Variants in TNIP1 observed in about 807,000 individuals in gnomAD.
TNIP1 encodes the protein TNFAIP3 interacting protein 1.
Under a neutral mutation model 86.6 loss-of-function variants are expected in TNIP1, and 22 were observed. That is an observed-to-expected ratio of 0.25 (90% CI 0.18 to 0.36). The LOEUF (loss-of-function observed/expected upper bound fraction) is 0.36, where lower values mean the gene tolerates loss of function less well. TNIP1 is among the 10% of genes least tolerant of loss of function. The pLI is 1.00. For missense variants in TNIP1, 709 were observed against 820.6 expected, an observed-to-expected ratio of 0.86 and a Z score of 1.66; for synonymous variants, 294 against 313.0, an observed-to-expected ratio of 0.94 and a Z score of 0.64.
At chr5:151,074,332 G>A (rs777804067) in intron 1 of TNIP1, among the ~76,000 whole-genome samples, 15 of 152,204 alleles carry the variant, frequency 9.9e-5, no homozygotes, top group Non-Finnish European at 2.1e-4. Context: ...AGGATGGCCT[G>A]AAACCAGAGT....
Position 151,063,637 on chromosome 5 carries a change from A to T in TNIP1, c.247T>A (p.Phe83Ile). The T allele has an allele frequency of 6.2e-7, 1 of 1,614,096 alleles. No homozygotes were observed. Among genetic ancestry groups the T allele is most frequent in the Non-Finnish European group, 8.5e-7 (1 of 1,179,988 alleles). ...CCTGTGAGCTCAGCCAGGGGGTCGA[A>T]GGAGCCCAAGGAGGGAGAAGGTGGT... The part of the protein sequence containing the change: ...LPPPSPSLGS[F>I]DPLAELTGKD... Residue 83 changes from phenylalanine to isoleucine, a missense_variant, in exon 3 of 18, where the codon TTC (phenylalanine) becomes ATC (isoleucine). Coordinates refer to ENST00000521591, the MANE Select transcript of TNIP1 (RefSeq NM_006058.5).
rs888695021 is a variant in TNIP1, at chr5:151,033,639, G to A, written c.1748C>T (p.Pro583Leu). Reference sequence around the variant, plus strand: ...GAAGAGGCGCGAGTTGGGGAGTGGGGGCGGGTGCTCCATGGCCATGGGGGG... The same window carrying A: ...GAAGAGGCGCGAGTTGGGGAGTGGGAGCGGGTGCTCCATGGCCATGGGGGG... ...PPPPMAMEHPPPLPNSRLFHL... is the reference protein window; with the variant it reads ...PPPPMAMEHPLPLPNSRLFHL... Residue 583 changes from proline to leucine, a missense_variant, in exon 16 of 18, where the codon CCC becomes CTC. By Grantham distance (98) the Pro-to-Leu change is moderately conservative. Transcript: ENST00000521591. The A allele has an allele frequency of 5.8e-6, 8 of 1,373,522 alleles. No individual in the cohort carries two copies. The highest frequency in any genetic ancestry group is 7.6e-6 in the Non-Finnish European group (8 of 1,051,964). 85.1% of individuals were successfully genotyped at this position (1,373,522 alleles called of 1,614,324 possible).
At chr5:151,037,016 A>C in intron 12 of TNIP1, 95 bp from the exon 13 acceptor site, 4 of 1,427,610 alleles carry the variant, frequency 2.8e-6, no homozygotes, top group Non-Finnish European at 2.8e-6. Flanking sequence ...CCTAATAATA[A>C]TCATACTAAT....
At chr5:151,074,279 G>T (rs1357562522) in intron 1 of TNIP1, among the ~76,000 whole-genome samples, 1 of 152,130 alleles carries the variant, frequency 6.6e-6, no homozygotes, top group Non-Finnish European at 1.5e-5. Context: ...TGAGTGCAGT[G>T]GTGCATGCCT....
rs72558380 is a variant in TNIP1 at position 151,030,153 on chromosome 5, G to T, written c.*560C>A. On this transcript the variant is annotated 3_prime_UTR_variant, in exon 18 of 18. Coordinates refer to ENST00000521591, the MANE Select transcript of TNIP1 (RefSeq NM_006058.5). Reference sequence around the variant, plus strand: ...TCCCATCTGTGATGGCTTCAGCAAGGCTACTGTGAGTGGTGGTGGAGAGGG... The same window carrying T: ...TCCCATCTGTGATGGCTTCAGCAAGTCTACTGTGAGTGGTGGTGGAGAGGG... 12 of 456,896 alleles carry T rather than the reference G, an allele frequency of 2.6e-5. No individual in the cohort carries two copies. The highest frequency in any genetic ancestry group is 2.2e-4 in the African/African-American group (11 of 50,216). The allele number at this position is 456,896 out of a possible 1,614,324, so 28.3% of individuals were successfully genotyped here. A position where few individuals can be genotyped will look rare whatever the true frequency, so the allele number is the denominator to read the frequency against.
chr5:151,029,999 G>A lies in TNIP1; in HGVS notation c.*714C>T, dbSNP rs1756705759. ...ATGATTCGTGCAAATAGCTATCCAG[G>A]GATGGACAGCCACCCTAATCTGGGC... is the stretch of plus-strand genomic sequence containing the variant. On this transcript the variant is annotated 3_prime_UTR_variant, in exon 18 of 18. Coordinates refer to ENST00000521591, the MANE Select transcript of TNIP1 (RefSeq NM_006058.5). 2.2e-6 allele frequency: 1 copy of A among 451,602 alleles called. No homozygotes were observed. Among genetic ancestry groups the A allele is most frequent in the Non-Finnish European group, 4.5e-6 (1 of 222,860 alleles). The allele number at this position is 451,602 out of a possible 1,614,324, so 28.0% of individuals were successfully genotyped here.
intron 4 of TNIP1, among the ~76,000 whole-genome samples, chr5:151,060,789 A>G (rs544713228): frequency 2.4e-4 from 37 of 152,378 alleles, no homozygotes; most frequent in African/African-American, 8.4e-4. Flanking sequence ...TGAGGAAACT[A>G]CAGTATACAG....
chr5:151,064,812 G>C (rs186614528), intron 2 of TNIP1, 148 bp downstream of exon 2: 1 of 1,120,090 alleles, frequency 8.9e-7, no homozygotes, highest in African/African-American at 1.5e-5. Context: ...AGACAGCTGT[G>C]AGGCAGGAGC....
At chr5:151,056,264 C>T (rs1026921621) in intron 6 of TNIP1, among the ~76,000 whole-genome samples, 7 of 152,152 alleles carry the variant, frequency 4.6e-5, no homozygotes, top group Non-Finnish European at 8.8e-5. Flanking sequence ...AAAAGGAATT[C>T]AATAGGGGAG....
chr5:151,032,790 A>T (rs1180137299), intron 16 of TNIP1: 3 of 214,840 alleles, frequency 1.4e-5, no homozygotes, highest in East Asian at 1.7e-4. Context: ...GACTGGGGAA[A>T]ATGGGACAAG....
chr5:151,054,633 C>T (rs991475192), intron 6 of TNIP1, among the ~76,000 whole-genome samples: 3 of 152,100 alleles, frequency 2.0e-5, no homozygotes, highest in Admixed American at 6.5e-5. Context: ...GAGCTGTGGT[C>T]GCACCACTGC....
upstream of TNIP1, among the ~76,000 whole-genome samples, chr5:151,085,970 T>C (rs746373963): frequency 2.6e-5 from 4 of 152,182 alleles, no homozygotes; most frequent in African/African-American, 7.2e-5. Flanking sequence ...TCTCCCTCCA[T>C]TCCTCTGTAG....
upstream of TNIP1, among the ~76,000 whole-genome samples, chr5:151,085,705 C>T (rs1229981125): frequency 6.6e-6 from 1 of 152,194 alleles, no homozygotes; most frequent in Non-Finnish European, 1.5e-5. Context: ...CCCCTGGCCT[C>T]TCCGTCTCCA....
intron 16 of TNIP1, among the ~76,000 whole-genome samples, chr5:151,033,127 CAAAAAAAA>C (rs11375507): frequency 1.5e-4 from 12 of 78,762 alleles, no homozygotes; most frequent in Non-Finnish European, 2.7e-4. Context: ...AATTCCATCT[CAAAAAAAA>C]AAAAAAAAAA....
chr5:151,059,772 CGAGA>C (rs1761146565), intron 5 of TNIP1, among the ~76,000 whole-genome samples: 2 of 67,552 alleles, frequency 3.0e-5, no homozygotes, highest in South Asian at 4.6e-4. Context: ...CAGAGCTGTA[CGAGA>C]GACAGAGAGA....
intron 1 of TNIP1, among the ~76,000 whole-genome samples, chr5:151,075,538 T>C (rs932510341): frequency 6.6e-6 from 1 of 152,230 alleles, no homozygotes; most frequent in Non-Finnish European, 1.5e-5. Flanking sequence ...GCCATCTTTA[T>C]GTCCATGAGG....
upstream of TNIP1, among the ~76,000 whole-genome samples, chr5:151,084,456 A>AAAG (rs751549639): frequency 0.062 from 9,179 of 146,920 alleles, 312 homozygotes; most frequent in South Asian, 0.14. Context: ...AAAAAAAAAA[A>AAAG]AAAGAAAGAA....
At chr5:151,061,760 G>T (rs1043058619) in intron 4 of TNIP1, among the ~76,000 whole-genome samples, 1 of 152,230 alleles carries the variant, frequency 6.6e-6, no homozygotes, top group Non-Finnish European at 1.5e-5. Context: ...TTATAGGCAT[G>T]AGCCACTGCG....
At chr5:151,036,979 G>T (rs931970753) in intron 12 of TNIP1, 58 bp from the exon 13 acceptor site, 13 of 1,526,594 alleles carry the variant, frequency 8.5e-6, no homozygotes, top group African/African-American at 1.4e-5. Flanking sequence ...AGGGCCCTTT[G>T]GAGGGGTCAT....
Sources: gnomAD v4.1 joint callset for allele counts (sites outside exome capture counted in the v4.1 genomes callset) on GRCh38, gnomAD v4.1.1 for gene constraint, MANE v1.5 for transcripts, NCBI Gene and HGNC (gene_info 2026-07-23, HGNC 2026-07-21) for gene names.